PTPRK: variants seen among roughly 807,000 people sequenced by gnomAD.
PTPRK encodes protein tyrosine phosphatase receptor type K, also known as receptor-type tyrosine-protein phosphatase kappa.
In PTPRK, 75 loss-of-function variants were observed where a neutral mutation model predicts 178.0. The observed-to-expected ratio is 0.42, with a 90% confidence interval of 0.35 to 0.51. The LOEUF is 0.51. PTPRK is among the 20% of genes least tolerant of loss of function. The pLI, the probability that PTPRK is intolerant of heterozygous loss-of-function variation, is 0.02. For synonymous variants in PTPRK, 637 were observed against 620.6 expected (o/e 1.03, Z -0.39); for missense variants, 1,441 against 1,797.8 (o/e 0.80, Z 3.59).
At chr6:128,409,314 C>A in intron 1 of PTPRK, 1 of 455,006 alleles carries the variant, frequency 2.2e-6, no homozygotes, top group South Asian at 1.6e-5. Context: ...CTTGTCATTT[C>A]AGTAACTGCA....
intron 13 of PTPRK, among the ~76,000 whole-genome samples, chr6:128,043,510 G>A (rs1777528653): frequency 7.8e-6 from 1 of 128,134 alleles, no homozygotes; most frequent in African/African-American, 2.7e-5. Context: ...AACTTTATAA[G>A]TTTAAATTCA....
chr6:128,250,149 T>A (rs1816227375), intron 3 of PTPRK, among the ~76,000 whole-genome samples: 1 of 152,232 alleles, frequency 6.6e-6, no homozygotes, highest in Non-Finnish European at 1.5e-5. Flanking sequence ...TAGCTACATG[T>A]AACTGTGAAT....
intron 2 of PTPRK, among the ~76,000 whole-genome samples, chr6:128,338,377 A>G (rs763611376): frequency 5.9e-5 from 9 of 152,316 alleles, no homozygotes; most frequent in Middle Eastern, 6.8e-3. Flanking sequence ...ATATACAACT[A>G]TATTTCTTGT....
At chr6:128,246,080 A>G (rs988308437) in intron 3 of PTPRK, among the ~76,000 whole-genome samples, 2 of 152,192 alleles carry the variant, frequency 1.3e-5, no homozygotes, top group Non-Finnish European at 2.9e-5. Flanking sequence ...TAATACCTGA[A>G]GTCTGTATAA....
Position 128,322,323 on chromosome 6 carries a change from T to C in PTPRK, c.224-13A>G. The C allele has an allele frequency of 6.5e-7, 1 of 1,545,888 alleles. No individual in the cohort carries two copies. The highest frequency in any genetic ancestry group is 8.9e-7 in the Non-Finnish European group (1 of 1,121,070). On this transcript the variant is annotated splice_polypyrimidine_tract_variant and intron_variant, in intron 2 of 29. Coordinates refer to ENST00000368226, the MANE Select transcript of PTPRK (RefSeq NM_002844.4). ...ATCATATAGGAACCTGAAATGACAT[T>C]ACAAATAATAATGCTAAAGAGATAT...
chr6:128,002,765 C>T (rs1278011501), intron 15 of PTPRK, among the ~76,000 whole-genome samples: 2 of 151,776 alleles, frequency 1.3e-5, no homozygotes, highest in Non-Finnish European at 2.9e-5. Context: ...TGCACATAAT[C>T]CTAATATTTA....
chr6:128,057,934 T>A (rs1018113081), intron 13 of PTPRK, among the ~76,000 whole-genome samples: 8 of 152,212 alleles, frequency 5.3e-5, no homozygotes, highest in African/African-American at 1.9e-4. Flanking sequence ...AAAGTGTATA[T>A]TCTTTGTTGT....
intron 2 of PTPRK, among the ~76,000 whole-genome samples, chr6:128,358,209 A>C (rs1335797514): frequency 6.6e-6 from 1 of 152,210 alleles, no homozygotes; most frequent in Non-Finnish European, 1.5e-5. Flanking sequence ...TTGACTTATA[A>C]TAACCACAAT....
chr6:128,073,581 G>C (rs1179148631), intron 11 of PTPRK, among the ~76,000 whole-genome samples: 7 of 151,960 alleles, frequency 4.6e-5, no homozygotes, highest in Non-Finnish European at 1.0e-4. Flanking sequence ...TTATCTCACA[G>C]CTTCAGTGGG....
At chr6:128,477,463 A>G (rs1466088123) in intron 1 of PTPRK, among the ~76,000 whole-genome samples, 2 of 151,964 alleles carry the variant, frequency 1.3e-5, no homozygotes, top group Admixed American at 1.3e-4. Flanking sequence ...ATACACAGTT[A>G]CACTTAGTAA....
chr6:128,193,864 T>C (rs1314309566), intron 6 of PTPRK, among the ~76,000 whole-genome samples: 1 of 151,898 alleles, frequency 6.6e-6, no homozygotes, highest in African/African-American at 2.4e-5. Context: ...CAGCAGAAAC[T>C]AAAACAAGGT....
At chr6:128,021,980 T>C (rs58680713) in intron 13 of PTPRK, among the ~76,000 whole-genome samples, 5,274 of 152,274 alleles carry the variant, frequency 0.035, 312 homozygotes, top group African/African-American at 0.12. Flanking sequence ...TTCCATTTAT[T>C]TCTTCTTGGA....
At chr6:128,321,950 C>A in intron 3 of PTPRK, 89 bp downstream of exon 3, 1 of 1,521,192 alleles carries the variant, frequency 6.6e-7, no homozygotes, top group Admixed American at 1.7e-5. Context: ...TCTCTCATTA[C>A]CATGAGATGC....
At chr6:128,172,498 A>G (rs957998799) in intron 7 of PTPRK, among the ~76,000 whole-genome samples, 1 of 151,922 alleles carries the variant, frequency 6.6e-6, no homozygotes, top group Admixed American at 6.6e-5. Context: ...AAATCAGGGT[A>G]ATTATTTTCG....
chr6:128,321,592 T>C (rs926974355), intron 3 of PTPRK: 1 of 554,008 alleles, frequency 1.8e-6, no homozygotes, highest in Non-Finnish European at 3.1e-6. Context: ...CATGAAACTC[T>C]ACATCACATT....
chr6:128,364,202 T>C (rs1018310336), intron 2 of PTPRK, among the ~76,000 whole-genome samples: 3 of 152,118 alleles, frequency 2.0e-5, no homozygotes, highest in African/African-American at 7.2e-5. Context: ...CCCTGTGATA[T>C]ATAACAAAAT....
chr6:128,515,630 G>A (rs549614287), intron 1 of PTPRK, among the ~76,000 whole-genome samples: 1 of 152,182 alleles, frequency 6.6e-6, no homozygotes, highest in East Asian at 1.9e-4. Context: ...AATACCATAG[G>A]ACTTTTTTCC....
At chr6:128,191,090 G>T (rs1803713124) in intron 6 of PTPRK, among the ~76,000 whole-genome samples, 1 of 152,130 alleles carries the variant, frequency 6.6e-6, no homozygotes, top group African/African-American at 2.4e-5. Context: ...CATGAAATAA[G>T]CACACATGAT....
intron 7 of PTPRK, among the ~76,000 whole-genome samples, chr6:128,175,744 G>A (rs1308744625): frequency 1.3e-5 from 2 of 151,640 alleles, no homozygotes; most frequent in African/African-American, 4.8e-5. Flanking sequence ...AACATTTGAT[G>A]TATTATTTTA....
Sources: gnomAD v4.1 joint callset for allele counts (sites outside exome capture counted in the v4.1 genomes callset) on GRCh38, gnomAD v4.1.1 for gene constraint, MANE v1.5 for transcripts, NCBI Gene and HGNC (gene_info 2026-07-23, HGNC 2026-07-21) for gene names.